SLC20A2: variants seen among roughly 807,000 people sequenced by gnomAD.
SLC20A2 encodes solute carrier family 20 member 2.
SLC20A2 carries 30 observed loss-of-function variants against 61.0 expected under a neutral mutation model. That is an observed-to-expected ratio of 0.49 (90% CI 0.37 to 0.67). SLC20A2 has a LOEUF of 0.67. SLC20A2 is among the 30% of genes least tolerant of loss of function. The pLI is 0.00. For synonymous variants in SLC20A2, 351 were observed against 353.3 expected, an observed-to-expected ratio of 0.99 and a Z score of 0.07; for missense variants, 626 against 866.4, an observed-to-expected ratio of 0.72 and a Z score of 3.48.
At chr8:42,429,661 A>AG (rs1198099524) in intron 9 of SLC20A2, among the ~76,000 whole-genome samples, 1 of 152,172 alleles carries the variant, frequency 6.6e-6, no homozygotes, top group Non-Finnish European at 1.5e-5. Flanking sequence ...AAGTAACCCC[A>AG]GCAGGGTGGT....
At position 42,473,964 on chromosome 8, in the gene SLC20A2, A is replaced by G. The variant is rs539034175; in HGVS notation, c.-264-1310T>C. On this transcript the variant is annotated intron_variant, in intron 1 of 10. Transcript: ENST00000520262. Reference sequence around the variant, plus strand: ...GGTGGGTGAATCACTTGAGGTCAGGAGTTCGAGACTAGCCTGGCCAACATG... The same window carrying G: ...GGTGGGTGAATCACTTGAGGTCAGGGGTTCGAGACTAGCCTGGCCAACATG... 9.8e-5 allele frequency among the ~76,000 whole-genome samples: 15 copies of G among 152,318 alleles called. No homozygotes were observed. In the East Asian group the frequency reaches 2.9e-3, roughly 29 times the overall value.
intron 1 of SLC20A2, among the ~76,000 whole-genome samples, chr8:42,520,335 GTA>G (rs1431957543): frequency 6.6e-6 from 1 of 151,382 alleles, no homozygotes; most frequent in Non-Finnish European, 1.5e-5. Flanking sequence ...ATCTTTATAA[GTA>G]TTTTAAAAAT....
At chr8:42,436,826 G>A (rs993907018) in intron 8 of SLC20A2, among the ~76,000 whole-genome samples, 163 bp downstream of exon 8, 2 of 152,168 alleles carry the variant, frequency 1.3e-5, no homozygotes, top group East Asian at 3.9e-4. Flanking sequence ...TCGCTGTCCC[G>A]CACGCAATGC....
At position 42,472,504 on chromosome 8, in the gene SLC20A2, G is replaced by A. The variant is rs1807723606; in HGVS notation, c.-114C>T. On this transcript the variant is annotated 5_prime_UTR_variant, in exon 2 of 11. Coordinates refer to ENST00000520262, the MANE Select transcript of SLC20A2 (RefSeq NM_001257180.2). This position sits in a 1 kb window ranked among gnomAD's most constrained non-coding sequence, Gnocchi z 4.1. The stretch of plus-strand genomic sequence containing the variant: ...TTCTTGTAAACAGTGAGTTTGCTCT[G>A]GAAAGTGCTGGACAATGTTAGAGGC... 1.1e-6 allele frequency: 1 copy of A among 934,842 alleles called. No homozygotes were observed. Among genetic ancestry groups the A allele is most frequent in the Non-Finnish European group, 1.6e-6 (1 of 630,104 alleles). The allele number at this position is 934,842 out of a possible 1,614,324, so 57.9% of individuals were successfully genotyped here. A position where few individuals can be genotyped will look rare whatever the true frequency, so the allele number is the denominator to read the frequency against.
intron 6 of SLC20A2, among the ~76,000 whole-genome samples, chr8:42,440,643 T>G (rs1038613633): frequency 6.6e-6 from 1 of 152,192 alleles, no homozygotes; most frequent in Admixed American, 6.5e-5. Flanking sequence ...TAGGAGTGGT[T>G]AAGAGTATAT....
chr8:42,456,487 C>T (rs541636605), intron 5 of SLC20A2, among the ~76,000 whole-genome samples: 39 of 152,196 alleles, frequency 2.6e-4, no homozygotes, highest in African/African-American at 9.2e-4. Context: ...TGTAATCCCA[C>T]TTTGAGAGGC....
chr8:42,417,761 C>A lies in SLC20A2; in HGVS notation c.*42G>T. Reference sequence around the variant, plus strand: ...CACACATGTCTCCCACACGCCAACACCAGACCATCCCTTTAGCTGTTTGCA... The same window carrying A: ...CACACATGTCTCCCACACGCCAACAACAGACCATCCCTTTAGCTGTTTGCA... On this transcript the variant is annotated 3_prime_UTR_variant, in exon 11 of 11. Coordinates refer to ENST00000520262, the MANE Select transcript of SLC20A2 (RefSeq NM_001257180.2). The A allele has an allele frequency of 1.2e-6, 2 of 1,605,976 alleles. No individual in the cohort carries two copies. Among genetic ancestry groups the A allele is most frequent in the Non-Finnish European group, 1.7e-6 (2 of 1,173,698 alleles).
chr8:42,485,839 G>A (rs1416937607), intron 1 of SLC20A2, among the ~76,000 whole-genome samples: 2 of 143,688 alleles, frequency 1.4e-5, no homozygotes, highest in Admixed American at 1.4e-4. Context: ...CCAGCTACTC[G>A]AGAGGCTGAG....
chr8:42,437,999 T>C lies in SLC20A2; in HGVS notation c.935-422A>G. 7.4e-6 allele frequency among the ~76,000 whole-genome samples: 1 copy of C among 134,542 alleles called. No individual in the cohort carries two copies. Among genetic ancestry groups the C allele is most frequent in the Admixed American group, 9.1e-5 (1 of 10,944 alleles). 88.3% of individuals were successfully genotyped at this position (134,542 alleles called of 152,430 possible). On this transcript the variant is annotated intron_variant, in intron 7 of 10. Transcript: ENST00000520262. This position sits in a 1 kb window ranked among gnomAD's most constrained non-coding sequence, Gnocchi z 6.4. ...GAAGGCTGGGGATGACTTATTAACA[T>C]ATACTTTCTTTTCTAAGTTGGCCAT...
chr8:42,435,227 C>G (rs1450043155), intron 8 of SLC20A2, among the ~76,000 whole-genome samples: 1 of 152,176 alleles, frequency 6.6e-6, no homozygotes, highest in Admixed American at 6.5e-5. Flanking sequence ...TGCCCAGGTT[C>G]ATCTGCAGCG....
intron 7 of SLC20A2, among the ~76,000 whole-genome samples, chr8:42,438,050 TAAAAAAAAAAACCAAA>T (rs1297687904): frequency 0.12 from 1,860 of 15,976 alleles, 100 homozygotes; most frequent in Middle Eastern, 0.28. Context: ...TGGTTACCAC[TAAAAAAAAAAACCAAA>T]AAAAAAAAAA....
At position 42,437,246 on chromosome 8, in the gene SLC20A2, G is replaced by C; in HGVS notation, c.1266C>G (p.Ser422=). The C allele has an allele frequency of 6.2e-7, 1 of 1,613,994 alleles. No individual in the cohort carries two copies. Among genetic ancestry groups the C allele is most frequent in the South Asian group, 1.1e-5 (1 of 91,088 alleles). ...CGTAGCGCAGCCTCTTCTTGGAGTA[G>C]GACACGGTGTCGCCCACCAGCTTCT... is the stretch of plus-strand genomic sequence containing the variant. ...DSEKLVGDTV[S]YSKKRLRYDS... The change falls in exon 8 of 11, where the codon TCC becomes TCG. Residue 422 remains serine, a synonymous_variant. Coordinates refer to ENST00000520262, the MANE Select transcript of SLC20A2 (RefSeq NM_001257180.2). The surrounding 1 kb of genome is among the most constrained non-coding windows in gnomAD (Gnocchi z 6.4).
chr8:42,532,719 T>C (rs1366921139), intron 1 of SLC20A2, among the ~76,000 whole-genome samples: 1 of 151,944 alleles, frequency 6.6e-6, no homozygotes, highest in Non-Finnish European at 1.5e-5. Context: ...AAAATAAATG[T>C]GGAGACGAGA....
At chr8:42,476,707 TTTC>T (rs1274356692) in intron 1 of SLC20A2, among the ~76,000 whole-genome samples, 1 of 152,148 alleles carries the variant, frequency 6.6e-6, no homozygotes, top group Non-Finnish European at 1.5e-5. Flanking sequence ...TAGCGCGGCT[TTTC>T]TTCTTCACAC....
At chr8:42,514,605 A>G (rs946599249) in intron 1 of SLC20A2, among the ~76,000 whole-genome samples, 11 of 151,992 alleles carry the variant, frequency 7.2e-5, no homozygotes, top group African/African-American at 2.7e-4. Context: ...TAAAAATACA[A>G]AAACTACCCG....
chr8:42,472,147 C>T lies in SLC20A2; in HGVS notation c.244G>A (p.Glu82Lys), dbSNP rs1807690463. The change falls in exon 2 of 11, where the codon GAG becomes AAG. Residue 82 changes from glutamate (E) to lysine (K), a missense_variant. By Grantham distance (56) the Glu-to-Lys change is moderately conservative. Coordinates refer to ENST00000520262, the MANE Select transcript of SLC20A2 (RefSeq NM_001257180.2). The surrounding 1 kb of genome is among the most constrained non-coding windows in gnomAD (Gnocchi z 4.1). ...CCAGCCATGAGAGTCTCCACCGTCT[C>T]GTTGTACAGGTTCACGTCAATGATA... ...KGIIDVNLYN[E>K]TVETLMAGEV... 5 of 1,613,764 alleles carry T rather than the reference C, an allele frequency of 3.1e-6. No homozygotes were observed. The highest frequency in any genetic ancestry group is 1.7e-5 in the Admixed American group (1 of 59,996).
chr8:42,434,110 TG>T lies in SLC20A2; in HGVS notation c.1523+2878del, dbSNP rs148412765. ...TCTCCCTCTGTTGCCCAGGCTGGAG[TG>T]CAGTGGCACAATCTCACCAGGCTGG... On this transcript the variant is annotated intron_variant, in intron 8 of 10. Coordinates refer to ENST00000520262, the MANE Select transcript of SLC20A2 (RefSeq NM_001257180.2). 9.5e-3 allele frequency among the ~76,000 whole-genome samples: 1,445 copies of T among 152,176 alleles called. 24 individuals carry two copies. Among genetic ancestry groups the T allele is most frequent in the African/African-American group, 0.033 (1,369 of 41,508 alleles).
At chr8:42,504,613 G>A (rs1810522591), upstream of SLC20A2, among the ~76,000 whole-genome samples, 1 of 151,880 alleles carries the variant, frequency 6.6e-6, no homozygotes, top group South Asian at 2.1e-4. Context: ...GGAGGCCGAG[G>A]TGGGTGGATC....
chr8:42,487,238 C>A (rs573205996), intron 1 of SLC20A2, among the ~76,000 whole-genome samples: 1 of 142,926 alleles, frequency 7.0e-6, no homozygotes, highest in Non-Finnish European at 1.5e-5. Flanking sequence ...AGTGCAGTGG[C>A]GCGATCTTGG....
Sources: allele counts gnomAD v4.1 joint callset (sites outside exome capture counted in the v4.1 genomes callset), GRCh38; gene constraint gnomAD v4.1.1; non-coding constraint Gnocchi (gnomAD v3.1); transcripts MANE v1.5; gene names NCBI Gene and HGNC (gene_info 2026-07-23, HGNC 2026-07-21).